SPATS2: variants seen among roughly 807,000 people sequenced by gnomAD.
SPATS2 encodes spermatogenesis associated serine rich 2, also known as spermatogenesis-associated serine-rich protein 2.
SPATS2 carries 38 observed loss-of-function variants against 63.7 expected under a neutral mutation model. The ratio of observed to expected loss-of-function variants is 0.60; its 90% CI spans 0.46 to 0.78. The LOEUF (loss-of-function observed/expected upper bound fraction) is 0.78. Ranked by LOEUF, SPATS2 falls within the 30% of genes least tolerant of loss-of-function variation. The pLI is 0.00. For synonymous variants in SPATS2, 207 were observed against 232.9 expected, an observed-to-expected ratio of 0.89 and a Z score of 1.01; for missense variants, 588 against 666.2, an observed-to-expected ratio of 0.88 and a Z score of 1.29.
At chr12:49,476,999 G>A (rs1290481890) in intron 3 of SPATS2, among the ~76,000 whole-genome samples, 1 of 152,082 alleles carries the variant, frequency 6.6e-6, no homozygotes, top group Non-Finnish European at 1.5e-5. Context: ...CAGCTACTTG[G>A]GAGGGTGAGA....
intron 3 of SPATS2, among the ~76,000 whole-genome samples, chr12:49,479,572 T>G (rs956237263): frequency 6.6e-6 from 1 of 152,104 alleles, no homozygotes; most frequent in East Asian, 1.9e-4. Context: ...GAGGCCTGAG[T>G]CTACAGCCAC....
At chr12:49,432,451 G>A (rs1206721981) in intron 2 of SPATS2, among the ~76,000 whole-genome samples, 1 of 152,244 alleles carries the variant, frequency 6.6e-6, no homozygotes, top group Non-Finnish European at 1.5e-5. Flanking sequence ...CAGCCTGGGC[G>A]ACAGAGTGAG....
chr12:49,465,336 A>G (rs575809183), intron 3 of SPATS2, among the ~76,000 whole-genome samples: 3 of 151,846 alleles, frequency 2.0e-5, no homozygotes, highest in South Asian at 2.1e-4. Flanking sequence ...CATATTTTCC[A>G]TATCCTCACC....
At chr12:49,408,971 A>C (rs1474058175) in intron 2 of SPATS2, among the ~76,000 whole-genome samples, 2 of 152,212 alleles carry the variant, frequency 1.3e-5, no homozygotes, top group South Asian at 4.2e-4. Flanking sequence ...GCATCCTGTG[A>C]AAATCATGAA....
In SPATS2 at chr12:49,404,353, C is replaced by G. The variant is rs546402604; in HGVS notation, c.-244+33063C>G. Reference sequence around the variant, plus strand: ...CTAGACTGGGGTGTGGTTGTGTGATCTTAGCTCACTGCAGCCTTGAACTCC... The same window carrying G: ...CTAGACTGGGGTGTGGTTGTGTGATGTTAGCTCACTGCAGCCTTGAACTCC... On this transcript the variant is annotated intron_variant, in intron 2 of 13. Coordinates refer to ENST00000552918, the MANE Select transcript of SPATS2 (RefSeq NM_023071.4). 2.8e-5 allele frequency among the ~76,000 whole-genome samples: 4 copies of G among 141,824 alleles called. No homozygotes were observed. The South Asian group carries it at 8.9e-4, about 32-fold the overall frequency. The allele number at this position is 141,824 out of a possible 152,430, so 93.0% of individuals were successfully genotyped here. A position where few individuals can be genotyped will look rare whatever the true frequency, so the allele number is the denominator to read the frequency against.
At chr12:49,492,497 C>T (rs1192867529) in intron 6 of SPATS2, among the ~76,000 whole-genome samples, 1 of 152,148 alleles carries the variant, frequency 6.6e-6, no homozygotes. Context: ...GCTGGAATTA[C>T]AGGCATGAGC....
chr12:49,391,816 T>C (rs1303136604), intron 2 of SPATS2, among the ~76,000 whole-genome samples: 2 of 152,176 alleles, frequency 1.3e-5, no homozygotes, highest in Non-Finnish European at 2.9e-5. Flanking sequence ...AAAACCACTT[T>C]ACACTTCAGA....
At chr12:49,463,925 T>G (rs1241676444) in intron 3 of SPATS2, among the ~76,000 whole-genome samples, 2 of 152,208 alleles carry the variant, frequency 1.3e-5, no homozygotes, top group Non-Finnish European at 2.9e-5. Flanking sequence ...TTAAAACTAT[T>G]GATTACTCCA....
chr12:49,512,834 T>A, intron 9 of SPATS2: 1 of 1,287,558 alleles, frequency 7.8e-7, no homozygotes, highest in Non-Finnish European at 1.0e-6. Flanking sequence ...AGCTCCTGTC[T>A]CAGTTGTGCT....
chr12:49,382,572 C>T (rs1016751768), intron 2 of SPATS2, among the ~76,000 whole-genome samples: 4 of 152,182 alleles, frequency 2.6e-5, no homozygotes, highest in Admixed American at 6.5e-5. Flanking sequence ...CTAACACTAG[C>T]CCTTTCCAAA....
chr12:49,435,663 T>C (rs1945266234), intron 2 of SPATS2, among the ~76,000 whole-genome samples: 2 of 148,652 alleles, frequency 1.3e-5, no homozygotes, highest in Non-Finnish European at 3.0e-5. Context: ...TTTTTTTTTT[T>C]TAATTGATCA....
intron 9 of SPATS2, among the ~76,000 whole-genome samples, chr12:49,506,961 T>G (rs1452250639): frequency 1.3e-5 from 2 of 152,060 alleles, no homozygotes; most frequent in African/African-American, 4.8e-5. Flanking sequence ...AACCCCAATG[T>G]AGGAGAATTT....
chr12:49,395,088 A>G (rs1371508774), intron 2 of SPATS2, among the ~76,000 whole-genome samples: 4 of 152,132 alleles, frequency 2.6e-5, no homozygotes, highest in African/African-American at 9.7e-5. Flanking sequence ...ATAAAAAAAG[A>G]CAATTTTATT....
intron 2 of SPATS2, among the ~76,000 whole-genome samples, chr12:49,398,876 G>A (rs1010500313): frequency 2.6e-5 from 4 of 152,124 alleles, no homozygotes; most frequent in African/African-American, 9.7e-5. Context: ...GTAATAGGGA[G>A]CTTGTTTGAA....
intron 2 of SPATS2, among the ~76,000 whole-genome samples, chr12:49,425,957 T>C (rs573274572): frequency 3.9e-5 from 6 of 152,332 alleles, no homozygotes; most frequent in Admixed American, 2.0e-4. Context: ...ATGACAATTA[T>C]GTAATTGTAA....
chr12:49,491,475 G>A (rs1199951448), intron 6 of SPATS2, among the ~76,000 whole-genome samples: 1 of 152,152 alleles, frequency 6.6e-6, no homozygotes, highest in African/African-American at 2.4e-5. Context: ...AGCACTTTGG[G>A]AGGCTGAGGT....
chr12:49,464,905 G>C (rs1943198174), intron 3 of SPATS2, among the ~76,000 whole-genome samples: 1 of 152,034 alleles, frequency 6.6e-6, no homozygotes, highest in Admixed American at 6.6e-5. Context: ...CCCTACCCCA[G>C]CCACAGGCAA....
intron 9 of SPATS2, among the ~76,000 whole-genome samples, chr12:49,506,294 C>T (rs1052382416): frequency 4.0e-5 from 6 of 149,500 alleles, no homozygotes; most frequent in Non-Finnish European, 8.8e-5. Flanking sequence ...TAAAGACATA[C>T]TCAAGACTGG....
intron 3 of SPATS2, among the ~76,000 whole-genome samples, chr12:49,464,681 C>T (rs963950510): frequency 1.3e-5 from 2 of 150,362 alleles, no homozygotes; most frequent in African/African-American, 4.9e-5. Flanking sequence ...AAAAAATTAG[C>T]CAATTATACT....
Sources: allele counts gnomAD v4.1 joint callset (sites outside exome capture counted in the v4.1 genomes callset), GRCh38; gene constraint gnomAD v4.1.1; transcripts MANE v1.5; gene names NCBI Gene and HGNC (gene_info 2026-07-23, HGNC 2026-07-21).